Variants in MGAT4B observed in about 807,000 individuals in gnomAD.
The protein encoded by MGAT4B is alpha-1,3-mannosyl-glycoprotein 4-beta-N-acetylglucosaminyltransferase B.
Under a neutral mutation model 73.9 loss-of-function variants are expected in MGAT4B, and 38 were observed. The ratio of observed to expected loss-of-function variants is 0.51; its 90% CI spans 0.40 to 0.67. MGAT4B has a LOEUF of 0.67. Among genes scored for constraint, MGAT4B ranks in the 30% least tolerant of loss-of-function variants. The pLI is 0.00. For missense variants in MGAT4B, 686 were observed against 735.2 expected (o/e 0.93, Z 0.77); for synonymous variants, 373 against 313.5 (o/e 1.19, Z -2.01).
intron 9 of MGAT4B, 65 bp downstream of exon 9, chr5:179,799,441 A>C (rs1180868582): frequency 6.2e-7 from 1 of 1,610,622 alleles, no homozygotes; most frequent in African/African-American, 1.3e-5. Flanking sequence ...ACAGGGACAC[A>C]GTTTGGGGTG....
chr5:179,800,090 GC>G, intron 7 of MGAT4B, 22 bp from the exon 8 acceptor site: 3 of 1,611,878 alleles, frequency 1.9e-6, no homozygotes, highest in Non-Finnish European at 2.5e-6. Flanking sequence ...GCAGAGAGGG[GC>G]TGGGGCTGAG....
intron 1 of MGAT4B, among the ~76,000 whole-genome samples, chr5:179,804,404 C>T (rs1035522649): frequency 2.6e-5 from 4 of 152,176 alleles, no homozygotes; most frequent in Non-Finnish European, 1.5e-5. Context: ...AGGCTGGGAG[C>T]GCTGCATGGC....
At chr5:179,798,128 T>G in intron 14 of MGAT4B, 37 bp downstream of exon 14, 1 of 1,592,382 alleles carries the variant, frequency 6.3e-7, no homozygotes, top group Non-Finnish European at 8.5e-7. Context: ...TCTCCCTGGC[T>G]GCTCCCCGTG....
chr5:179,799,479 C>G (rs202105663), intron 9 of MGAT4B, 27 bp downstream of exon 9: 123 of 1,613,162 alleles, frequency 7.6e-5, no homozygotes, highest in Admixed American at 2.2e-4. Context: ...GGCCCTGCCC[C>G]TGCCAGTCCC....
At position 179,797,794 on chromosome 5, in the gene MGAT4B, CCGGGTGCG is replaced by C; in HGVS notation, c.*243_*250del. ...TCTAAAACGGCCTGACTGGGGCAGGCCGGGTGCGAACGGTTCCGGGCCTCAGGCACAGT... is the reference window on the plus strand; with the variant it reads ...TCTAAAACGGCCTGACTGGGGCAGGCAACGGTTCCGGGCCTCAGGCACAGT... On this transcript the variant is annotated 3_prime_UTR_variant, in exon 15 of 15. Transcript: ENST00000292591. 3 of 469,878 alleles carry C rather than the reference CCGGGTGCG, an allele frequency of 6.4e-6. No individual in the cohort carries two copies. Among genetic ancestry groups the C allele is most frequent in the Non-Finnish European group, 7.5e-6 (2 of 267,462 alleles). 29.1% of individuals were successfully genotyped at this position (469,878 alleles called of 1,614,324 possible). A position where few individuals can be genotyped will look rare whatever the true frequency, so the allele number is the denominator to read the frequency against.
At position 179,799,085 on chromosome 5, in the gene MGAT4B, G is replaced by T; in HGVS notation, c.1186C>A (p.His396Asn). ...DFGKQALRKE[H>N]VNPPAEVSTS... The stretch of plus-strand genomic sequence containing the variant: ...CTCACCTCTGCTGGCGGGTTCACAT[G>T]CTCCTTCCGCAGCGCCTGCTTTCCA... Residue 396 changes from histidine to asparagine, a missense_variant, in exon 11 of 15, where the codon CAT (histidine) becomes AAT (asparagine). Transcript: ENST00000292591. 1 of 1,613,958 alleles carries T rather than the reference G, an allele frequency of 6.2e-7. No homozygotes were observed. The highest frequency in any genetic ancestry group is 8.5e-7 in the Non-Finnish European group (1 of 1,180,040).
rs117225974 is a variant in MGAT4B, at chr5:179,800,274, G to A, written c.720-15C>T. On this transcript the variant is annotated splice_polypyrimidine_tract_variant and intron_variant, in intron 6 of 14. Transcript: ENST00000292591. ...TGGTCCTCCACCTGTGGGCCGGGGC[G>A]GGGCCTCAGAAGTTCAGACCCCTCC... The A allele has an allele frequency of 9.2e-5, 148 of 1,612,974 alleles. 1 individual carries two copies. In the East Asian group the frequency reaches 2.6e-3, roughly 28 times the overall value.
In MGAT4B at chr5:179,800,033, C is replaced by T. The variant is rs1756837925; in HGVS notation, c.831G>A (p.Leu277=). The T allele has an allele frequency of 3.1e-6, 5 of 1,614,014 alleles. No homozygotes were observed. The South Asian group carries it at 5.5e-5, about 18-fold the overall frequency. ...GCAGTGCAAAGTTCTTCATGGTGCT[C>T]AGGTAGTTGGGCTTGGCCACGATGT... ...EDDIVAKPNY[L]STMKNFALQQ... is the part of the protein sequence containing the mutation. Residue 277 remains leucine, a synonymous_variant, in exon 8 of 15, where the codon CTG becomes CTA. Coordinates refer to ENST00000292591, the MANE Select transcript of MGAT4B (RefSeq NM_014275.5).
intron 1 of MGAT4B, chr5:179,803,402 C>T (rs1410646927): frequency 2.6e-6 from 1 of 380,098 alleles, no homozygotes; most frequent in Non-Finnish European, 3.6e-6. Context: ...CTGGCTATCC[C>T]CAGGGCTCAC....
In MGAT4B at chr5:179,800,073, G is replaced by C. The variant is rs375173225; in HGVS notation, c.796-5C>G. On this transcript the variant is annotated splice_region_variant and splice_polypyrimidine_tract_variant and intron_variant, in intron 7 of 14. Coordinates refer to ENST00000292591, the MANE Select transcript of MGAT4B (RefSeq NM_014275.5). ...GGCCACGATGTCATCCTCCAGCTGCGAGGTGAGCAGAGAGGGGCTGGGGCT... is the reference window on the plus strand; with the variant it reads ...GGCCACGATGTCATCCTCCAGCTGCCAGGTGAGCAGAGAGGGGCTGGGGCT... 1.9e-6 allele frequency: 3 copies of C among 1,613,308 alleles called. No individual in the cohort carries two copies. Among genetic ancestry groups the C allele is most frequent in the South Asian group, 1.1e-5 (1 of 91,066 alleles).
In MGAT4B at chr5:179,801,400, G is replaced by C; in HGVS notation, c.492C>G (p.His164Gln). 6.2e-7 allele frequency: 1 copy of C among 1,612,784 alleles called. No individual in the cohort carries two copies. The highest frequency in any genetic ancestry group is 8.5e-7 in the Non-Finnish European group (1 of 1,179,576). The change falls in exon 4 of 15, where the codon CAC becomes CAG. Residue 164 changes from histidine (H) to glutamine (Q), a missense_variant. His to Gln is a conservative substitution (Grantham distance 24, BLOSUM62 0). Transcript: ENST00000292591. The surrounding 1 kb of genome is among the most constrained non-coding windows in gnomAD (Gnocchi z 4.8). ...EVHSYLTDTL[H>Q]SLISELSPQE... ...GCGGGCTCAGCTCGGAGATGAGCGAGTGCAGAGTGTCAGTCAGGTACGAGT... is the reference window on the plus strand; with the variant it reads ...GCGGGCTCAGCTCGGAGATGAGCGACTGCAGAGTGTCAGTCAGGTACGAGT...
Position 179,797,982 on chromosome 5 carries a change from G to T in MGAT4B, c.*63C>A. ...TATCTGGCCCTCCGGGGACGGCAGTGACGACACCCCCAGAAATGTGGGCTT... is the reference window on the plus strand; with the variant it reads ...TATCTGGCCCTCCGGGGACGGCAGTTACGACACCCCCAGAAATGTGGGCTT... On this transcript the variant is annotated 3_prime_UTR_variant, in exon 15 of 15. Transcript: ENST00000292591. 6.4e-7 allele frequency: 1 copy of T among 1,565,294 alleles called. No individual in the cohort carries two copies. The highest frequency in any genetic ancestry group is 8.7e-7 in the Non-Finnish European group (1 of 1,152,486).
At chr5:179,798,779 C>G in intron 11 of MGAT4B, 149 bp downstream of exon 11, 1 of 1,108,774 alleles carries the variant, frequency 9.0e-7, no homozygotes, top group Non-Finnish European at 1.3e-6. Context: ...TAGGGGCTGC[C>G]TGACTTAGTC....
intron 8 of MGAT4B, 30 bp from the exon 9 acceptor site, chr5:179,799,666 C>T: frequency 1.2e-6 from 2 of 1,612,680 alleles, no homozygotes. Flanking sequence ...GTGGGCAGTG[C>T]TGCTCTGCCT....
Position 179,800,896 on chromosome 5 carries a change from C to T in MGAT4B, c.605+11G>A, listed in dbSNP as rs1268040205. On this transcript the variant is annotated intron_variant, in intron 5 of 14. Coordinates refer to ENST00000292591, the MANE Select transcript of MGAT4B (RefSeq NM_014275.5). The stretch of plus-strand genomic sequence containing the variant: ...TCCCGCCACCAGCTCTCTGGGGTCG[C>T]CAGTACTCACAAGGCCTTGATGTTC... 1 of 1,613,398 alleles carries T rather than the reference C, an allele frequency of 6.2e-7. No individual in the cohort carries two copies. Among genetic ancestry groups the T allele is most frequent in the Non-Finnish European group, 8.5e-7 (1 of 1,179,914 alleles).
chr5:179,798,634 C>A, intron 11 of MGAT4B, 43 bp from the exon 12 acceptor site: 1 of 1,600,988 alleles, frequency 6.2e-7, no homozygotes, highest in South Asian at 1.1e-5. Context: ...GGGCAGCGTT[C>A]CAGCACAGCA....
At chr5:179,803,674 C>G (rs1757033409) in intron 1 of MGAT4B, 1 of 152,294 alleles carries the variant, frequency 6.6e-6, no homozygotes, top group Non-Finnish European at 1.5e-5. Context: ...GTGATGCTGC[C>G]TGAATCACCC....
At position 179,801,581 on chromosome 5, in the gene MGAT4B, C is replaced by T; in HGVS notation, c.397G>A (p.Val133Met). 6.2e-7 allele frequency: 1 copy of T among 1,607,586 alleles called. No individual in the cohort carries two copies. The highest frequency in any genetic ancestry group is 8.5e-7 in the Non-Finnish European group (1 of 1,177,990). Residue 133 changes from valine (V) to methionine (M), a missense_variant, in exon 3 of 15, where the codon GTG becomes ATG. Around this residue, in one of 2 missense-constraint regions of MGAT4B, gnomAD observed 237 missense variants for 198.5 expected, o/e 1.19. Coordinates refer to ENST00000292591, the MANE Select transcript of MGAT4B (RefSeq NM_014275.5). The surrounding 1 kb of genome is among the most constrained non-coding windows in gnomAD (Gnocchi z 4.8). ...CCGGTGCGGCCCTGGCCCACGCGCA[C>T]CGCGGGCTGCAGACTGCTCTCCTTG... ...LAKESSLQPAVRVGQGRTGVS... is the reference protein window; with the variant it reads ...LAKESSLQPAMRVGQGRTGVS...
At position 179,799,316 on chromosome 5, in the gene MGAT4B, G is replaced by A. The variant is rs770466497; in HGVS notation, c.1042-6C>T. ...TTCTGCCGGTCACAGTGCTTCTGTG[G>A]AGGGTGGGCAACACCCCAGGGCTCG... On this transcript the variant is annotated splice_region_variant and splice_polypyrimidine_tract_variant and intron_variant, in intron 9 of 14. Coordinates refer to ENST00000292591, the MANE Select transcript of MGAT4B (RefSeq NM_014275.5). The A allele has an allele frequency of 5.0e-6, 8 of 1,613,338 alleles. No individual in the cohort carries two copies. In the Admixed American group the frequency reaches 1.3e-4, roughly 27 times the overall value.
Sources: gnomAD v4.1 joint callset for allele counts (sites outside exome capture counted in the v4.1 genomes callset) on GRCh38, gnomAD v4.1.1 for gene constraint, gnomAD v4.1.1 regional missense constraint, Gnocchi (gnomAD v3.1) non-coding constraint, MANE v1.5 for transcripts, NCBI Gene and HGNC (gene_info 2026-07-23, HGNC 2026-07-21) for gene names.